Variants in FHIT observed in about 807,000 individuals in gnomAD.
FHIT encodes the protein fragile histidine triad diadenosine triphosphatase.
In FHIT, 19 loss-of-function variants were observed where a neutral mutation model predicts 17.9. The ratio of observed to expected loss-of-function variants is 1.06; its 90% CI spans 0.74 to 1.56. The LOEUF is 1.56. Among genes scored for constraint, FHIT ranks in the 40% most tolerant of loss-of-function variants. The pLI, the probability that FHIT is intolerant of heterozygous loss-of-function variation, is 0.00. For synonymous variants in FHIT, 81 were observed against 69.7 expected (o/e 1.16, Z -0.81); for missense variants, 248 against 189.2 (o/e 1.31, Z -1.82).
intron 5 of FHIT, among the ~76,000 whole-genome samples, chr3:60,441,730 T>TTATATATATATATTTATATATATAAA (rs2030836714): frequency 7.9e-5 from 7 of 88,658 alleles, no homozygotes; most frequent in South Asian, 5.1e-4. Context: ...ATATTTGTAT[T>TTATATATATATATTTATATATATAAA]TATATATATA....
chr3:60,206,508 G>A (rs1703199134), intron 5 of FHIT, among the ~76,000 whole-genome samples: 1 of 151,894 alleles, frequency 6.6e-6, no homozygotes, highest in Non-Finnish European at 1.5e-5. Flanking sequence ...GACTTAACAT[G>A]CCAGAAAAAA....
intron 5 of FHIT, among the ~76,000 whole-genome samples, chr3:60,342,675 G>A (rs909482626): frequency 6.6e-6 from 1 of 152,122 alleles, no homozygotes; most frequent in Non-Finnish European, 1.5e-5. Flanking sequence ...AAAACTTTGA[G>A]CCCAACAAGA....
At chr3:60,151,946 C>A (rs966700684) in intron 5 of FHIT, among the ~76,000 whole-genome samples, 1 of 152,172 alleles carries the variant, frequency 6.6e-6, no homozygotes, top group African/African-American at 2.4e-5. Context: ...GAAATATAAT[C>A]CCTATGGGCA....
At chr3:60,326,490 T>G (rs1463511769) in intron 5 of FHIT, among the ~76,000 whole-genome samples, 2 of 151,528 alleles carry the variant, frequency 1.3e-5, no homozygotes, top group Admixed American at 1.3e-4. Context: ...GTAATGGGAG[T>G]GATGGGGGAG....
At chr3:61,192,649 C>G (rs2038749335) in intron 2 of FHIT, among the ~76,000 whole-genome samples, 1 of 152,208 alleles carries the variant, frequency 6.6e-6, no homozygotes, top group Admixed American at 6.5e-5. Flanking sequence ...TCCATCTTCA[C>G]ATAATTAGCA....
intron 7 of FHIT, among the ~76,000 whole-genome samples, chr3:59,945,673 T>C (rs760052990): frequency 1.7e-4 from 26 of 152,164 alleles, no homozygotes; most frequent in Non-Finnish European, 2.9e-4. Flanking sequence ...TTTTAGGTTT[T>C]ACATTTAAGT....
intron 5 of FHIT, among the ~76,000 whole-genome samples, chr3:60,451,043 G>A (rs529805036): frequency 3.3e-5 from 5 of 152,178 alleles, no homozygotes; most frequent in Admixed American, 2.0e-4. Flanking sequence ...AGGAGTTCTT[G>A]GGCCAACGAA....
chr3:60,056,470 G>T (rs945957035), intron 5 of FHIT, among the ~76,000 whole-genome samples: 8 of 152,166 alleles, frequency 5.3e-5, no homozygotes, highest in Non-Finnish European at 1.0e-4. Flanking sequence ...AAACTCTTCT[G>T]CACTCCTTAT....
chr3:60,949,442 A>C (rs1456462005), intron 3 of FHIT, among the ~76,000 whole-genome samples: 2 of 152,224 alleles, frequency 1.3e-5, no homozygotes, highest in African/African-American at 4.8e-5. Context: ...AAGGGAAAGT[A>C]TATTTTTAGG....
At chr3:59,910,594 G>A (rs1203913123) in intron 8 of FHIT, among the ~76,000 whole-genome samples, 1 of 152,064 alleles carries the variant, frequency 6.6e-6, no homozygotes, top group Non-Finnish European at 1.5e-5. Flanking sequence ...GGTAGGTCTT[G>A]AGTTATTAGG....
At chr3:60,684,062 C>T (rs2040809069) in intron 4 of FHIT, among the ~76,000 whole-genome samples, 1 of 152,128 alleles carries the variant, frequency 6.6e-6, no homozygotes, top group Non-Finnish European at 1.5e-5. Flanking sequence ...AGGTCAGTAG[C>T]TGGCTTTATT....
chr3:60,395,564 G>T (rs1701405342), intron 5 of FHIT, among the ~76,000 whole-genome samples: 1 of 152,152 alleles, frequency 6.6e-6, no homozygotes, highest in Non-Finnish European at 1.5e-5. Context: ...TGAGGAAGAA[G>T]GTAACGAGTT....
chr3:60,384,220 A>T (rs1700916702), intron 5 of FHIT, among the ~76,000 whole-genome samples: 2 of 151,724 alleles, frequency 1.3e-5, no homozygotes, highest in African/African-American at 2.4e-5. Flanking sequence ...GTGAGCTGAG[A>T]TCACACCACT....
chr3:60,792,931 C>T (rs1553729002), intron 4 of FHIT, among the ~76,000 whole-genome samples: 1 of 151,644 alleles, frequency 6.6e-6, no homozygotes, highest in Non-Finnish European at 1.5e-5. Flanking sequence ...CTATGAGTAG[C>T]CGAATAATGG....
At chr3:61,167,628 C>CAAA (rs34229498) in intron 2 of FHIT, among the ~76,000 whole-genome samples, 7 of 98,932 alleles carry the variant, frequency 7.1e-5, no homozygotes, top group Non-Finnish European at 1.0e-4. Context: ...AACTGTGTCT[C>CAAA]AAAAAAAAAA....
At chr3:59,948,524 T>A (rs1706948792) in intron 7 of FHIT, among the ~76,000 whole-genome samples, 2 of 150,254 alleles carry the variant, frequency 1.3e-5, no homozygotes, top group South Asian at 2.1e-4. Flanking sequence ...CTAAAAAAAA[T>A]AAAAATAAAA....
chr3:60,982,000 G>C (rs1710517758), intron 3 of FHIT, among the ~76,000 whole-genome samples: 1 of 152,186 alleles, frequency 6.6e-6, no homozygotes, highest in Non-Finnish European at 1.5e-5. Flanking sequence ...CCTGTTGGTT[G>C]CTTATTAATT....
chr3:60,152,507 T>C (rs1193580224), intron 5 of FHIT, among the ~76,000 whole-genome samples: 2 of 152,198 alleles, frequency 1.3e-5, no homozygotes, highest in African/African-American at 4.8e-5. Flanking sequence ...TGTGTGTGTA[T>C]ATTTCTGCCA....
chr3:61,122,737 A>T (rs1044594284), intron 2 of FHIT, among the ~76,000 whole-genome samples: 1 of 152,238 alleles, frequency 6.6e-6, no homozygotes, highest in African/African-American at 2.4e-5. Context: ...TGTGGACAAC[A>T]AACATATGAA....
Sources: gnomAD v4.1 joint callset for allele counts (sites outside exome capture counted in the v4.1 genomes callset) on GRCh38, gnomAD v4.1.1 for gene constraint, MANE v1.5 for transcripts, NCBI Gene and HGNC (gene_info 2026-07-23, HGNC 2026-07-21) for gene names.